Variants in ELAPOR2 observed in about 807,000 individuals in gnomAD.
ELAPOR2 encodes the protein endosome-lysosome associated apoptosis and autophagy regulator family member 2, also known as endosome/lysosome-associated apoptosis and autophagy regulator family member 2.
In ELAPOR2, 89 loss-of-function variants were observed where a neutral mutation model predicts 120.7. The observed-to-expected ratio is 0.74, with a 90% confidence interval of 0.62 to 0.88. The LOEUF is 0.88. Ranked by LOEUF, ELAPOR2 falls within the 40% of genes least tolerant of loss-of-function variation. The pLI, the probability that ELAPOR2 is intolerant of heterozygous loss-of-function variation, is 0.00. For synonymous variants in ELAPOR2, 444 were observed against 444.9 expected (o/e 1.00, Z 0.03); for missense variants, 1,134 against 1,251.6 (o/e 0.91, Z 1.42).
At position 86,912,249 on chromosome 7, in the gene ELAPOR2, T is replaced by C; in HGVS notation, c.1996-4A>G. Reference sequence around the variant, plus strand: ...CACTATAGCAAACCGAATGGTCCTTTGATTAAAGATAAAGAAACAATATAG... The same window carrying C: ...CACTATAGCAAACCGAATGGTCCTTCGATTAAAGATAAAGAAACAATATAG... On this transcript the variant is annotated splice_polypyrimidine_tract_variant and splice_region_variant and intron_variant, in intron 14 of 21. Transcript: ENST00000450689. 3 of 1,570,498 alleles carry C rather than the reference T, an allele frequency of 1.9e-6. No individual in the cohort carries two copies. Among genetic ancestry groups the C allele is most frequent in the Non-Finnish European group, 2.6e-6 (3 of 1,147,986 alleles).
chr7:87,005,399 A>T (rs2116645184), intron 1 of ELAPOR2, among the ~76,000 whole-genome samples: 1 of 152,014 alleles, frequency 6.6e-6, no homozygotes, highest in Non-Finnish European at 1.5e-5. Flanking sequence ...AGAGAAGAAA[A>T]TGGCATATGT....
intron 1 of ELAPOR2, among the ~76,000 whole-genome samples, chr7:87,040,729 G>C (rs1021778438): frequency 2.0e-5 from 3 of 152,264 alleles, no homozygotes; most frequent in Non-Finnish European, 4.4e-5. Context: ...AAGGAACGCA[G>C]TTCCTCACCA....
chr7:87,026,947 C>T (rs1041704066), intron 1 of ELAPOR2, among the ~76,000 whole-genome samples: 3 of 151,976 alleles, frequency 2.0e-5, no homozygotes, highest in Non-Finnish European at 2.9e-5. Context: ...TTACTTGGAT[C>T]GTACACCTAG....
rs2116115695 is a variant in ELAPOR2 at position 86,914,738 on chromosome 7, A to T, written c.1716T>A (p.Thr572=). 1.2e-6 allele frequency: 2 copies of T among 1,609,948 alleles called. No individual in the cohort carries two copies. The highest frequency in any genetic ancestry group is 2.2e-5 in the East Asian group (1 of 44,670). Residue 572 remains threonine, a synonymous_variant, in exon 13 of 22, where the codon ACT becomes ACA. Transcript: ENST00000450689. ...TFTFTWAFQR[T]NQGQDNRRFI... ...TGGAACTTACATCTTGACCCTGATT[A>T]GTTCTCTGGAATGCCCATGTAAATG...
intron 1 of ELAPOR2, among the ~76,000 whole-genome samples, chr7:86,995,773 C>G (rs533957523): frequency 5.9e-5 from 9 of 152,202 alleles, no homozygotes; most frequent in African/African-American, 2.2e-4. Context: ...AAGAAATTCC[C>G]TCCCCCAGGA....
intron 4 of ELAPOR2, among the ~76,000 whole-genome samples, chr7:86,942,813 A>G (rs537367921): frequency 3.3e-5 from 5 of 152,178 alleles, no homozygotes; most frequent in African/African-American, 1.2e-4. Context: ...CCTTTCCAAT[A>G]TTGCAAAACA....
At chr7:86,914,678 T>C in intron 13 of ELAPOR2, 45 bp downstream of exon 13, 1 of 1,555,660 alleles carries the variant, frequency 6.4e-7, no homozygotes, top group Admixed American at 1.9e-5. Context: ...CAAGGGGGCA[T>C]CATTAGTGTG....
At chr7:86,912,791 A>T in intron 14 of ELAPOR2, 150 bp downstream of exon 14, 1 of 888,050 alleles carries the variant, frequency 1.1e-6, no homozygotes, top group Middle Eastern at 2.6e-4. Context: ...AATAAACGCA[A>T]GAAGGGAGAA....
rs74817372 is a variant in ELAPOR2, at chr7:87,047,636, C to T, written c.189+11689G>A. Among the ~76,000 whole-genome samples, 1,189 of 152,190 alleles carry T rather than the reference C, an allele frequency of 7.8e-3. 17 individuals are homozygous for T. Among genetic ancestry groups the T allele is most frequent in the African/African-American group, 0.028 (1,142 of 41,512 alleles). On this transcript the variant is annotated intron_variant, in intron 1 of 21. Coordinates refer to ENST00000450689, the MANE Select transcript of ELAPOR2 (RefSeq NM_001142749.3). ...AATCAAAACTACAATATCATCTCAC[C>T]CCAGTTAAAATGACTATCCAAAAGA...
chr7:87,042,096 C>T (rs1449027662), intron 1 of ELAPOR2, among the ~76,000 whole-genome samples: 3 of 149,542 alleles, frequency 2.0e-5, no homozygotes, highest in African/African-American at 7.5e-5. Flanking sequence ...TACAGGAGCA[C>T]CAAGATTCAT....
rs1239693650 is a variant in ELAPOR2, at chr7:87,047,109, T to C, written c.189+12216A>G. On this transcript the variant is annotated intron_variant, in intron 1 of 21. Coordinates refer to ENST00000450689, the MANE Select transcript of ELAPOR2 (RefSeq NM_001142749.3). ...GGGAAAGGACAGTCTCTTCAATAAA[T>C]GATGCTGGAAAAACTAGACATCCAT... Among the ~76,000 whole-genome samples the C allele has an allele frequency of 4.6e-5, 7 of 152,312 alleles. No individual in the cohort carries two copies. In the South Asian group the frequency reaches 1.5e-3, roughly 32 times the overall value.
In ELAPOR2 at chr7:86,938,973, G is replaced by C; in HGVS notation, c.848-13C>G. ...GTGTACGCCACCCCTGTGCAGTAAT[G>C]AAAAACAGAGCATGGGAGGGGGACC... On this transcript the variant is annotated splice_polypyrimidine_tract_variant and intron_variant, in intron 6 of 21. Transcript: ENST00000450689. 1 of 1,612,162 alleles carries C rather than the reference G, an allele frequency of 6.2e-7. No individual in the cohort carries two copies. Among genetic ancestry groups the C allele is most frequent in the African/African-American group, 1.3e-5 (1 of 74,912 alleles).
chr7:86,960,540 C>T (rs952310680), intron 2 of ELAPOR2, among the ~76,000 whole-genome samples: 2 of 152,096 alleles, frequency 1.3e-5, no homozygotes, highest in Non-Finnish European at 2.9e-5. Context: ...TGTGAGCCAC[C>T]ACACCCAGCC....
chr7:87,020,351 C>A (rs1404254858), intron 1 of ELAPOR2, among the ~76,000 whole-genome samples: 3 of 152,036 alleles, frequency 2.0e-5, no homozygotes, highest in African/African-American at 4.8e-5. Flanking sequence ...CTCTTCACAA[C>A]AGCCAAAAGG....
At chr7:87,035,781 T>C (rs974851955) in intron 1 of ELAPOR2, among the ~76,000 whole-genome samples, 3 of 152,334 alleles carry the variant, frequency 2.0e-5, no homozygotes, top group African/African-American at 4.8e-5. Flanking sequence ...AATTTTCCCA[T>C]TCTATGCTTG....
At chr7:86,897,755 A>C in intron 18 of ELAPOR2, 123 bp from the exon 19 acceptor site, 1 of 1,107,386 alleles carries the variant, frequency 9.0e-7, no homozygotes, top group South Asian at 1.6e-5. Context: ...CTGAAGAAAC[A>C]CAAGTGGAAA....
At chr7:86,997,171 G>T (rs1793154247) in intron 1 of ELAPOR2, among the ~76,000 whole-genome samples, 1 of 152,114 alleles carries the variant, frequency 6.6e-6, no homozygotes, top group African/African-American at 2.4e-5. Context: ...TTAGAATAAA[G>T]TATCTGGAGG....
At position 86,949,449 on chromosome 7, in the gene ELAPOR2, T is replaced by C. The variant is rs370010533; in HGVS notation, c.311-1527A>G. Among the ~76,000 whole-genome samples, 22 of 152,204 alleles carry C rather than the reference T, an allele frequency of 1.4e-4. No individual in the cohort carries two copies. In the East Asian group the frequency reaches 2.9e-3, roughly 20 times the overall value. ...CCAGGCAGCACGTTCCATGGAGCCA[T>C]TGGGGCGGGAGGAGGCAGAGCCCCG... is the stretch of plus-strand genomic sequence containing the variant. On this transcript the variant is annotated intron_variant, in intron 2 of 21. Transcript: ENST00000450689.
intron 10 of ELAPOR2, among the ~76,000 whole-genome samples, chr7:86,924,709 G>A (rs1789986049): frequency 6.6e-6 from 1 of 151,216 alleles, no homozygotes; most frequent in Non-Finnish European, 1.5e-5. Flanking sequence ...GTCAATCTCT[G>A]TGCTCATGTA....
Sources: gnomAD v4.1 joint callset for allele counts (sites outside exome capture counted in the v4.1 genomes callset) on GRCh38, gnomAD v4.1.1 for gene constraint, MANE v1.5 for transcripts, NCBI Gene and HGNC (gene_info 2026-07-23, HGNC 2026-07-21) for gene names.